The following ITGA11 variants were observed in gnomAD, a reference collection of about 807,000 sequenced individuals.
The protein encoded by ITGA11 is integrin alpha-11.
A neutral mutation model predicts 141.9 loss-of-function variants in ITGA11; 97 were observed. That is an observed-to-expected ratio of 0.68 (90% CI 0.58 to 0.81). The LOEUF (loss-of-function observed/expected upper bound fraction) is 0.81, where lower values mean the gene tolerates loss of function less well. Ranked by LOEUF, ITGA11 falls within the 30% of genes least tolerant of loss-of-function variation. ITGA11 has a pLI of 0.00. For synonymous variants in ITGA11, 658 were observed against 624.6 expected (o/e 1.05, Z -0.80); for missense variants, 1,387 against 1,559.2 (o/e 0.89, Z 1.86).
chr15:68,296,641 A>G lies in ITGA11; in HGVS notation c.*6418T>C, dbSNP rs1892916321. The G allele has an allele frequency of 6.6e-6, 1 of 152,122 alleles. No homozygotes were observed. The allele number at this position is 152,122 out of a possible 1,614,324, so 9.4% of individuals were successfully genotyped here. On this transcript the variant is annotated 3_prime_UTR_variant, in exon 30 of 30. Transcript: ENST00000315757. ...GTGTGTTTTTTTTCTACTTGTTAGA[A>G]GTTCCTTAGAAGTTTGAGGACATTT...
chr15:68,395,263 C>T (rs1896203687), intron 2 of ITGA11, among the ~76,000 whole-genome samples: 1 of 152,142 alleles, frequency 6.6e-6, no homozygotes, highest in African/African-American at 2.4e-5. Context: ...AGTCAGAGCA[C>T]TTTTGTCCTC....
rs1358304549 is a variant in ITGA11 at position 68,328,072 on chromosome 15, G to A, written c.2068+24C>T. 2 of 1,603,722 alleles carry A rather than the reference G, an allele frequency of 1.2e-6. No homozygotes were observed. Among genetic ancestry groups the A allele is most frequent in the East Asian group, 2.2e-5 (1 of 44,710 alleles). ...GGGGGAGACTGGAGTCTGGGGGTGG[G>A]GAGAAAGGAGGGGCCTGCTTTACCA... On this transcript the variant is annotated intron_variant, in intron 16 of 29. Coordinates refer to ENST00000315757, the MANE Select transcript of ITGA11 (RefSeq NM_001004439.2). The surrounding 1 kb of genome is among the most constrained non-coding windows in gnomAD (Gnocchi z 4.8).
intron 16 of ITGA11, among the ~76,000 whole-genome samples, chr15:68,327,093 G>A (rs895818061): frequency 2.0e-5 from 3 of 151,970 alleles, no homozygotes; most frequent in Non-Finnish European, 1.5e-5. Flanking sequence ...CCAGGGTGGT[G>A]TCATGTTGAG....
At chr15:68,385,672 C>T (rs1454964057) in intron 2 of ITGA11, among the ~76,000 whole-genome samples, 1 of 152,118 alleles carries the variant, frequency 6.6e-6, no homozygotes, top group Non-Finnish European at 1.5e-5. Flanking sequence ...TGAACTGACC[C>T]TTGGGTAGTT....
intron 1 of ITGA11, among the ~76,000 whole-genome samples, chr15:68,410,492 C>A (rs1896748755): frequency 6.6e-6 from 1 of 151,964 alleles, no homozygotes; most frequent in Non-Finnish European, 1.5e-5. Flanking sequence ...CTGGCCTAGG[C>A]AAAAAGATAT....
chr15:68,393,311 T>C (rs368436923), intron 2 of ITGA11, among the ~76,000 whole-genome samples: 4 of 152,188 alleles, frequency 2.6e-5, no homozygotes, highest in African/African-American at 9.6e-5. Flanking sequence ...ACAAAAGCTA[T>C]ATTTTTAAAA....
chr15:68,396,366 C>A (rs1403454939), intron 2 of ITGA11, among the ~76,000 whole-genome samples: 1 of 151,900 alleles, frequency 6.6e-6, no homozygotes, highest in Admixed American at 6.6e-5. Context: ...AGCACCTGTT[C>A]ATAATTTTTA....
intron 2 of ITGA11, among the ~76,000 whole-genome samples, chr15:68,386,211 C>T (rs1283850987): frequency 6.6e-6 from 1 of 152,166 alleles, no homozygotes; most frequent in Admixed American, 6.5e-5. Flanking sequence ...CTTCAGGGGC[C>T]ATGGCTGCCC....
intron 2 of ITGA11, among the ~76,000 whole-genome samples, chr15:68,384,097 A>C (rs1175612079): frequency 6.6e-6 from 1 of 152,112 alleles, no homozygotes; most frequent in Non-Finnish European, 1.5e-5. Context: ...TTCCGAGTTC[A>C]GCACTAAGGA....
In ITGA11 at chr15:68,339,633, C is replaced by G. The variant is rs1439178710; in HGVS notation, c.1143G>C (p.Leu381=). The change falls in exon 11 of 30, where the codon CTG becomes CTC. Residue 381 remains leucine, a synonymous_variant. Transcript: ENST00000315757. The part of the protein sequence containing the change: ...FSSHVVEDGV[L]LGAVGAYDWN... ...AGTCATAGGCACCGACGGCTCCCAG[C>G]AGAACCCCATCCTGGCATTGGGGAG... 1.2e-6 allele frequency: 2 copies of G among 1,613,988 alleles called. No individual in the cohort carries two copies. Among genetic ancestry groups the G allele is most frequent in the Admixed American group, 1.7e-5 (1 of 60,034 alleles).
chr15:68,377,374 G>A (rs1390959966), intron 2 of ITGA11, among the ~76,000 whole-genome samples: 1 of 152,200 alleles, frequency 6.6e-6, no homozygotes, highest in African/African-American at 2.4e-5. Context: ...CTGGGTTCAA[G>A]CAATTCTCCT....
chr15:68,332,356 G>A lies in ITGA11; in HGVS notation c.1548C>T (p.Tyr516=), dbSNP rs758760612. ...FNEGRERGKV[Y]VYELRQNLFV... is the part of the protein sequence containing the mutation. ...GCTGTACCTGTCTCAGCTCATAGAC[G>A]TACACCTTGCCTCGCTCACGGCCCT... The change falls in exon 13 of 30, where the codon TAC becomes TAT. Residue 516 remains tyrosine, a synonymous_variant. Transcript: ENST00000315757. The A allele has an allele frequency of 8.5e-5, 137 of 1,606,990 alleles. No individual in the cohort carries two copies. Among genetic ancestry groups the A allele is most frequent in the Non-Finnish European group, 1.1e-4 (127 of 1,177,480 alleles).
Position 68,332,496 on chromosome 15 carries a change from A to G in ITGA11, c.1426-18T>C, listed in dbSNP as rs746814575. The G allele has an allele frequency of 1.9e-6, 3 of 1,609,930 alleles. No individual in the cohort carries two copies. Among genetic ancestry groups the G allele is most frequent in the Admixed American group, 3.3e-5 (2 of 59,784 alleles). ...GAGCCTATCTGCGGCACGTGATGGG[A>G]GAGAGGAGTGGGCTGGCTGCCCAGC... On this transcript the variant is annotated intron_variant, in intron 12 of 29. Transcript: ENST00000315757.
chr15:68,396,881 T>A (rs1464813325), intron 2 of ITGA11, among the ~76,000 whole-genome samples: 1 of 130,942 alleles, frequency 7.6e-6, no homozygotes, highest in African/African-American at 2.8e-5. Flanking sequence ...TTATATTAAA[T>A]ATAACATATT....
chr15:68,312,525 A>T (rs1311345133), intron 24 of ITGA11, among the ~76,000 whole-genome samples: 1 of 152,190 alleles, frequency 6.6e-6, no homozygotes, highest in African/African-American at 2.4e-5. Flanking sequence ...TTTAAAAAAA[A>T]TTTAAGAATT....
intron 1 of ITGA11, among the ~76,000 whole-genome samples, chr15:68,418,723 C>G (rs1376616758): frequency 6.6e-6 from 1 of 152,016 alleles, no homozygotes; most frequent in Non-Finnish European, 1.5e-5. Flanking sequence ...TCAACTGGAG[C>G]TGAATTGGAC....
chr15:68,407,006 G>T (rs910157103), intron 1 of ITGA11, among the ~76,000 whole-genome samples: 4 of 152,144 alleles, frequency 2.6e-5, no homozygotes, highest in Non-Finnish European at 4.4e-5. Context: ...GGGGTGCCGG[G>T]GTGATGTGTT....
chr15:68,340,337 T>C (rs1466501949), intron 10 of ITGA11, among the ~76,000 whole-genome samples: 1 of 152,090 alleles, frequency 6.6e-6, no homozygotes, highest in East Asian at 1.9e-4. Flanking sequence ...GAGGATGTCA[T>C]GTTTACCCGT....
intron 11 of ITGA11, among the ~76,000 whole-genome samples, chr15:68,338,673 A>G (rs773705975): frequency 6.6e-6 from 1 of 152,240 alleles, no homozygotes; most frequent in African/African-American, 2.4e-5. Context: ...GCTGAGGAAC[A>G]AAGGTTGGGA....
Sources: allele counts gnomAD v4.1 joint callset (sites outside exome capture counted in the v4.1 genomes callset), GRCh38; gene constraint gnomAD v4.1.1; non-coding constraint Gnocchi (gnomAD v3.1); transcripts MANE v1.5; gene names NCBI Gene and HGNC (gene_info 2026-07-23, HGNC 2026-07-21).